RELCH: variants seen among roughly 807,000 people sequenced by gnomAD.
RELCH encodes the protein RAB11 binding and LisH domain, coiled-coil and HEAT repeat containing, also known as RAB11-binding protein RELCH.
A neutral mutation model predicts 150.3 loss-of-function variants in RELCH; 41 were observed. The observed-to-expected ratio is 0.27, with a 90% CI of 0.21 to 0.35. The LOEUF (loss-of-function observed/expected upper bound fraction) is 0.35, where lower values mean the gene tolerates loss of function less well. Ranked by LOEUF, RELCH falls within the 10% of genes least tolerant of loss-of-function variation. The pLI, the probability that RELCH is intolerant of heterozygous loss-of-function variation, is 1.00. For missense variants in RELCH, 1,092 were observed against 1,467.8 expected, an observed-to-expected ratio of 0.74 and a Z score of 4.18; for synonymous variants, 478 against 531.8, an observed-to-expected ratio of 0.90 and a Z score of 1.39.
intron 5 of RELCH, 73 bp downstream of exon 5, chr18:62,221,570 T>A: frequency 3.2e-5 from 5 of 156,488 alleles, no homozygotes; most frequent in Middle Eastern, 2.8e-3. Flanking sequence ...ACGTAGTTTC[T>A]TTTTTTTTTT....
chr18:62,213,043 T>C (rs186844569), intron 2 of RELCH, among the ~76,000 whole-genome samples: 1 of 152,208 alleles, frequency 6.6e-6, no homozygotes, highest in African/African-American at 2.4e-5. Context: ...GCATCATTTA[T>C]TGACAACTGT....
chr18:62,254,453 T>TA (rs1425558646), intron 12 of RELCH, among the ~76,000 whole-genome samples: 1 of 152,150 alleles, frequency 6.6e-6, no homozygotes, highest in East Asian at 1.9e-4. Flanking sequence ...TTTTGAGACT[T>TA]ACTGAGCTAA....
intron 19 of RELCH, 71 bp downstream of exon 19, chr18:62,266,820 T>A: frequency 1.1e-6 from 1 of 883,638 alleles, no homozygotes; most frequent in Non-Finnish European, 1.8e-6. Context: ...ATATTCTCCA[T>A]ATATGTAAAT....
In RELCH at chr18:62,305,354, T is replaced by C; in HGVS notation, c.3531-60T>C. On this transcript the variant is annotated intron_variant, in intron 28 of 28. Coordinates refer to ENST00000644646, the MANE Select transcript of RELCH (RefSeq NM_001346231.2). This position sits in a 1 kb window ranked among gnomAD's most constrained non-coding sequence, Gnocchi z 4.0. ...TGTTCGTTAATGATATGCTACTAAA[T>C]AAATGAAAAATTTTTATTTTTTTAA... 1 of 1,475,970 alleles carries C rather than the reference T, an allele frequency of 6.8e-7. No homozygotes were observed. Among genetic ancestry groups the C allele is most frequent in the Non-Finnish European group, 9.2e-7 (1 of 1,092,442 alleles). The allele number at this position is 1,475,970 out of a possible 1,614,324, so 91.4% of individuals were successfully genotyped here. A position where few individuals can be genotyped will look rare whatever the true frequency, so the allele number is the denominator to read the frequency against.
chr18:62,266,919 T>C (rs1417914108), intron 19 of RELCH, among the ~76,000 whole-genome samples, 170 bp downstream of exon 19: 2 of 151,928 alleles, frequency 1.3e-5, no homozygotes, highest in Admixed American at 1.3e-4. Context: ...CTAATATCCT[T>C]CCCATTAGTG....
intron 26 of RELCH, among the ~76,000 whole-genome samples, chr18:62,289,927 T>A (rs1332828346): frequency 1.3e-5 from 2 of 152,224 alleles, no homozygotes; most frequent in Non-Finnish European, 2.9e-5. Context: ...ATCAGACTCT[T>A]AAACTACTAA....
chr18:62,251,688 T>G (rs1158377796), intron 11 of RELCH, among the ~76,000 whole-genome samples: 1 of 152,232 alleles, frequency 6.6e-6, no homozygotes, highest in African/African-American at 2.4e-5. Flanking sequence ...ATCTGATTCT[T>G]AAAATACCAC....
At chr18:62,275,353 G>GT (rs72266333) in intron 21 of RELCH, 21 bp from the exon 22 acceptor site, 175,885 of 981,196 alleles carry the variant, frequency 0.18, 12 homozygotes, top group Non-Finnish European at 0.19. Flanking sequence ...TTTTAACACT[G>GT]TTTTTTTTTT....
intron 10 of RELCH, among the ~76,000 whole-genome samples, chr18:62,238,397 A>G (rs2041979322): frequency 6.6e-6 from 1 of 152,078 alleles, no homozygotes; most frequent in South Asian, 2.1e-4. Context: ...GAGCCAAATT[A>G]TAGAAATAAA....
chr18:62,221,188 G>C, intron 3 of RELCH, 31 bp from the exon 4 acceptor site: 1 of 1,595,558 alleles, frequency 6.3e-7, no homozygotes, highest in Non-Finnish European at 8.6e-7. Flanking sequence ...ATGTAAAATA[G>C]TAAAATAGTA....
In RELCH at chr18:62,267,523, C is replaced by CATAT. The variant is rs150777941; in HGVS notation, c.2680+784_2680+787dup. 3.3e-4 allele frequency among the ~76,000 whole-genome samples: 41 copies of CATAT among 125,690 alleles called. No individual in the cohort carries two copies. In the East Asian group the frequency reaches 4.6e-3, roughly 14 times the overall value. The allele number at this position is 125,690 out of a possible 152,430, so 82.5% of individuals were successfully genotyped here. A position where few individuals can be genotyped will look rare whatever the true frequency, so the allele number is the denominator to read the frequency against. ...GTGTGTGTGTGTGTGTGTGTGTATA[C>CATAT]ATATATATATATACACACACCTTAG... On this transcript the variant is annotated intron_variant, in intron 19 of 28. Transcript: ENST00000644646.
At chr18:62,192,318 C>T (rs904597489) in intron 1 of RELCH, among the ~76,000 whole-genome samples, 6 of 152,128 alleles carry the variant, frequency 3.9e-5, no homozygotes, top group African/African-American at 1.4e-4. Context: ...AGGTTGCAAA[C>T]ATTTTCTCCC....
Position 62,280,195 on chromosome 18 carries a change from G to A in RELCH, c.3050+339G>A, listed in dbSNP as rs1310201171. 2.1e-5 allele frequency: 13 copies of A among 612,698 alleles called. No homozygotes were observed. In the Admixed American group the frequency reaches 3.0e-4, roughly 14 times the overall value. 38.0% of individuals were successfully genotyped at this position (612,698 alleles called of 1,614,324 possible). ...TAATCTCACTAACAGGTTGTTACCAGTAAGTGTAGTAGCATGAACCAATGG... is the reference window on the plus strand; with the variant it reads ...TAATCTCACTAACAGGTTGTTACCAATAAGTGTAGTAGCATGAACCAATGG... On this transcript the variant is annotated intron_variant, in intron 23 of 28. Transcript: ENST00000644646.
At chr18:62,280,313 T>G in intron 23 of RELCH, 1 of 1,512,632 alleles carries the variant, frequency 6.6e-7, no homozygotes, top group Non-Finnish European at 9.2e-7. Context: ...CCAGTTCTTA[T>G]TCCAGTTTAC....
At chr18:62,279,481 A>T (rs564996796) in intron 22 of RELCH, among the ~76,000 whole-genome samples, 2 of 152,322 alleles carry the variant, frequency 1.3e-5, no homozygotes, top group East Asian at 3.9e-4. Flanking sequence ...TTTCAGTTGC[A>T]TTTTGATGGA....
intron 11 of RELCH, among the ~76,000 whole-genome samples, chr18:62,248,979 G>C (rs1326963237): frequency 6.6e-6 from 1 of 152,140 alleles, no homozygotes; most frequent in Non-Finnish European, 1.5e-5. Context: ...CTTGAACAAA[G>C]CATCCTGGAT....
At chr18:62,260,825 C>G (rs1024942272) in intron 15 of RELCH, among the ~76,000 whole-genome samples, 1 of 151,844 alleles carries the variant, frequency 6.6e-6, no homozygotes, top group Non-Finnish European at 1.5e-5. Context: ...CACAGAAAGA[C>G]AAATATTGAA....
Position 62,273,870 on chromosome 18 carries a change from T to A in RELCH, c.2761-110T>A. 6.0e-6 allele frequency: 4 copies of A among 671,424 alleles called. No homozygotes were observed. The South Asian group carries it at 7.2e-5, about 12-fold the overall frequency. 41.6% of individuals were successfully genotyped at this position (671,424 alleles called of 1,614,324 possible). On this transcript the variant is annotated intron_variant, in intron 20 of 28. Coordinates refer to ENST00000644646, the MANE Select transcript of RELCH (RefSeq NM_001346231.2). ...TTTTAATTAAAATAGCTTCCAAATT[T>A]GGATATTTTCCCCTTATTTGGTAAC...
chr18:62,279,156 A>C (rs1377052745), intron 22 of RELCH, among the ~76,000 whole-genome samples: 2 of 152,286 alleles, frequency 1.3e-5, no homozygotes, highest in African/African-American at 4.8e-5. Context: ...CACATGGCTT[A>C]TATGTGGAGA....
Sources: gnomAD v4.1 joint callset for allele counts (sites outside exome capture counted in the v4.1 genomes callset) on GRCh38, gnomAD v4.1.1 for gene constraint, Gnocchi (gnomAD v3.1) non-coding constraint, MANE v1.5 for transcripts, NCBI Gene and HGNC (gene_info 2026-07-23, HGNC 2026-07-21) for gene names.